Variants in HDAC9 observed in about 807,000 individuals in gnomAD.
The protein encoded by HDAC9 is MEF-2 interacting transcription repressor (MITR) protein.
Under a neutral mutation model 139.4 loss-of-function variants are expected in HDAC9, and 41 were observed. The observed-to-expected ratio is 0.29, with a 90% confidence interval of 0.23 to 0.38. HDAC9 has a LOEUF of 0.38. Among genes scored for constraint, HDAC9 ranks in the 10% least tolerant of loss-of-function variants. HDAC9 has a pLI of 1.00. For synonymous variants in HDAC9, 517 were observed against 476.2 expected, an observed-to-expected ratio of 1.09 and a Z score of -1.12; for missense variants, 1,147 against 1,297.0, an observed-to-expected ratio of 0.88 and a Z score of 1.78.
intron 1 of HDAC9, among the ~76,000 whole-genome samples, chr7:18,414,678 A>G (rs1788881551): frequency 6.6e-6 from 1 of 152,216 alleles, no homozygotes; most frequent in African/African-American, 2.4e-5. Context: ...TTGGCAGAAT[A>G]TTAAGAATAT....
intron 2 of HDAC9, among the ~76,000 whole-genome samples, chr7:18,175,474 A>C (rs1788812947): frequency 6.6e-6 from 1 of 152,142 alleles, no homozygotes; most frequent in South Asian, 2.1e-4. Flanking sequence ...CCCTCTGTCC[A>C]ACCAGTCCCA....
chr7:18,732,991 G>A (rs1219750448), intron 13 of HDAC9, among the ~76,000 whole-genome samples: 4 of 142,798 alleles, frequency 2.8e-5, no homozygotes, highest in African/African-American at 5.4e-5. Flanking sequence ...GTATGTGTGT[G>A]TATGTGTATA....
intron 12 of HDAC9, among the ~76,000 whole-genome samples, chr7:18,689,747 A>C (rs1310109571): frequency 1.3e-5 from 2 of 151,998 alleles, no homozygotes; most frequent in Non-Finnish European, 2.9e-5. Context: ...CCTTTGATTT[A>C]AACAGGATAT....
chr7:18,685,032 G>A (rs1437923389), intron 12 of HDAC9, among the ~76,000 whole-genome samples: 5 of 151,718 alleles, frequency 3.3e-5, no homozygotes, highest in African/African-American at 7.3e-5. Flanking sequence ...CCACTTTTTT[G>A]TTGTTAAATA....
intron 16 of HDAC9, among the ~76,000 whole-genome samples, chr7:18,772,363 C>G (rs971287433): frequency 2.0e-5 from 3 of 151,902 alleles, no homozygotes; most frequent in African/African-American, 7.3e-5. Context: ...CTGTTTATGC[C>G]AAAACTTTGC....
chr7:18,385,555 T>C (rs1467692647), intron 1 of HDAC9, among the ~76,000 whole-genome samples: 1 of 152,170 alleles, frequency 6.6e-6, no homozygotes, highest in Non-Finnish European at 1.5e-5. Flanking sequence ...CCTCTTCTGT[T>C]GACAGGAGAG....
At chr7:18,563,582 A>C (rs1821286669) in intron 2 of HDAC9, among the ~76,000 whole-genome samples, 2 of 152,152 alleles carry the variant, frequency 1.3e-5, no homozygotes, top group Non-Finnish European at 2.9e-5. Context: ...GGTGTTTAGC[A>C]CAATATTCGT....
At chr7:18,579,133 T>A (rs766187125) in intron 2 of HDAC9, among the ~76,000 whole-genome samples, 1 of 152,204 alleles carries the variant, frequency 6.6e-6, no homozygotes, top group Non-Finnish European at 1.5e-5. Context: ...TCATGATACA[T>A]GTAAATGTAA....
At chr7:18,591,096 C>A (rs1010600024) in intron 4 of HDAC9, among the ~76,000 whole-genome samples, 1 of 152,106 alleles carries the variant, frequency 6.6e-6, no homozygotes, top group Non-Finnish European at 1.5e-5. Context: ...GGTTTTCAAA[C>A]TAGCAACTCA....
At chr7:18,100,616 C>G (rs1437496775) in intron 1 of HDAC9, among the ~76,000 whole-genome samples, 1 of 152,166 alleles carries the variant, frequency 6.6e-6, no homozygotes, top group Non-Finnish European at 1.5e-5. Flanking sequence ...TGGGGTGTTT[C>G]ACAATTTTCC....
intron 1 of HDAC9, among the ~76,000 whole-genome samples, chr7:18,353,582 C>A (rs1255887436): frequency 6.6e-6 from 1 of 152,122 alleles, no homozygotes. Flanking sequence ...TCCCTGAGTG[C>A]AAATGAATCC....
chr7:18,979,133 A>G (rs1213143059), intron 25 of HDAC9, among the ~76,000 whole-genome samples: 6 of 152,170 alleles, frequency 3.9e-5, no homozygotes, highest in Non-Finnish European at 8.8e-5. Flanking sequence ...TCATTAGATA[A>G]TACAGAAACA....
chr7:18,707,348 T>C (rs1398751141), intron 12 of HDAC9, among the ~76,000 whole-genome samples: 1 of 152,224 alleles, frequency 6.6e-6, no homozygotes, highest in Non-Finnish European at 1.5e-5. Context: ...GGATAGATTG[T>C]CCTAAGCAGA....
At chr7:18,504,716 C>A (rs1277364921) in intron 2 of HDAC9, among the ~76,000 whole-genome samples, 1 of 152,088 alleles carries the variant, frequency 6.6e-6, no homozygotes, top group Admixed American at 6.5e-5. Context: ...CTCTGTGTAT[C>A]ACTTGATCAT....
At chr7:18,651,684 G>GT (rs1789320672) in intron 11 of HDAC9, among the ~76,000 whole-genome samples, 1 of 152,138 alleles carries the variant, frequency 6.6e-6, no homozygotes, top group South Asian at 2.1e-4. Flanking sequence ...CATGTTCAGT[G>GT]TAACTACATA....
chr7:18,644,251 C>G (rs1451251058), intron 8 of HDAC9, among the ~76,000 whole-genome samples: 1 of 151,962 alleles, frequency 6.6e-6, no homozygotes, highest in African/African-American at 2.4e-5. Flanking sequence ...GTTTTCCCAT[C>G]AATAAAATGA....
At chr7:18,585,640 G>A in intron 3 of HDAC9, 118 bp downstream of exon 3, 1 of 1,259,276 alleles carries the variant, frequency 7.9e-7, no homozygotes, top group South Asian at 1.5e-5. Flanking sequence ...ATGGATATAT[G>A]GCTTGAAGGG....
At chr7:18,994,414 A>T (rs1786286364) in intron 25 of HDAC9, among the ~76,000 whole-genome samples, 1 of 152,214 alleles carries the variant, frequency 6.6e-6, no homozygotes, top group Admixed American at 6.5e-5. Flanking sequence ...TTTTTGATAG[A>T]AAAGACTTTT....
At position 18,740,572 on chromosome 7, in the gene HDAC9, C is replaced by G. The variant is rs544356690; in HGVS notation, c.1910-8433C>G. On this transcript the variant is annotated intron_variant, in intron 13 of 25. Coordinates refer to ENST00000686413, the MANE Select transcript of HDAC9 (RefSeq NM_178425.4). ...TTTCTCTTTTTGGCCCTCTCTATTCCCAGAGACACTGGGAATTTAGACCAA... is the reference window on the plus strand; with the variant it reads ...TTTCTCTTTTTGGCCCTCTCTATTCGCAGAGACACTGGGAATTTAGACCAA... 2.6e-5 allele frequency among the ~76,000 whole-genome samples: 4 copies of G among 152,284 alleles called. No individual in the cohort carries two copies. The East Asian group carries it at 7.7e-4, about 29-fold the overall frequency.
Sources: allele counts gnomAD v4.1 joint callset (sites outside exome capture counted in the v4.1 genomes callset), GRCh38; gene constraint gnomAD v4.1.1; transcripts MANE v1.5; gene names NCBI Gene and HGNC (gene_info 2026-07-23, HGNC 2026-07-21).